RPL22: variants seen among roughly 807,000 people sequenced by gnomAD.
The protein encoded by RPL22 is ribosomal protein L22.
RPL22 carries 4 observed loss-of-function variants against 16.2 expected under a neutral mutation model. The observed-to-expected ratio is 0.25, with a 90% CI of 0.12 to 0.57. RPL22 has a LOEUF of 0.57. RPL22 is among the 20% of genes least tolerant of loss of function. The pLI, the probability that RPL22 is intolerant of heterozygous loss-of-function variation, is 0.92. For synonymous variants in RPL22, 43 were observed against 54.8 expected (o/e 0.78, Z 0.95); for missense variants, 83 against 156.1 (o/e 0.53, Z 2.49).
intron 2 of RPL22, among the ~76,000 whole-genome samples, chr1:6,194,129 C>CCAGGAGGCGGAGGTTG (rs1667687064): frequency 6.6e-6 from 1 of 152,106 alleles, no homozygotes; most frequent in South Asian, 2.1e-4. Context: ...TCCCTTGAGC[C>CCAGGAGGCGGAGGTTG]CAGGAGGCGG....
chr1:6,195,675 T>C (rs1667706844), intron 2 of RPL22, among the ~76,000 whole-genome samples: 1 of 149,456 alleles, frequency 6.7e-6, no homozygotes, highest in Admixed American at 6.7e-5. Flanking sequence ...CACTTAAACC[T>C]GGAAGGTGGA....
At chr1:6,196,197 G>A (rs1667717169) in intron 2 of RPL22, among the ~76,000 whole-genome samples, 1 of 152,174 alleles carries the variant, frequency 6.6e-6, no homozygotes, top group South Asian at 2.1e-4. Context: ...CTATCCTAAG[G>A]AGGCTTCCAG....
intron 3 of RPL22, among the ~76,000 whole-genome samples, chr1:6,191,892 G>A (rs1050899742): frequency 1.3e-5 from 2 of 151,164 alleles, no homozygotes; most frequent in Non-Finnish European, 1.5e-5. Context: ...CCAAAAACTC[G>A]GGAAGCTGAG....
At chr1:6,190,405 A>C (rs1667635441) in intron 3 of RPL22, among the ~76,000 whole-genome samples, 1 of 152,132 alleles carries the variant, frequency 6.6e-6, no homozygotes, top group African/African-American at 2.4e-5. Flanking sequence ...TTTGAGACAG[A>C]GTTTCGCTCT....
chr1:6,199,549 G>C lies in RPL22; in HGVS notation c.12+13C>G. On this transcript the variant is annotated intron_variant, in intron 1 of 3. Transcript: ENST00000234875. The stretch of plus-strand genomic sequence containing the variant: ...TCCCCTGGAGCCGAGGCCTCACGCG[G>C]AGCCATACTAACCACAGGAGCCATG... 1 of 1,562,030 alleles carries C rather than the reference G, an allele frequency of 6.4e-7. No individual in the cohort carries two copies. The highest frequency in any genetic ancestry group is 8.7e-7 in the Non-Finnish European group (1 of 1,153,308).
chr1:6,191,005 C>A (rs948059134), intron 3 of RPL22, among the ~76,000 whole-genome samples: 1 of 151,972 alleles, frequency 6.6e-6, no homozygotes, highest in African/African-American at 2.4e-5. Context: ...AGGTGGATCA[C>A]CTGAGGTCAG....
chr1:6,198,028 C>A, intron 1 of RPL22: 1 of 470,200 alleles, frequency 2.1e-6, no homozygotes, highest in Non-Finnish European at 3.8e-6. Flanking sequence ...ACTTTCCAGT[C>A]TCCCCAATCT....
intron 2 of RPL22, 38 bp from the exon 3 acceptor site, chr1:6,193,092 T>C: frequency 6.2e-7 from 1 of 1,611,328 alleles, no homozygotes; most frequent in Middle Eastern, 1.7e-4. Flanking sequence ...AAGTGACAAG[T>C]TCATCTGTCT....
intron 3 of RPL22, among the ~76,000 whole-genome samples, chr1:6,190,209 C>A (rs537415756): frequency 6.6e-6 from 1 of 152,318 alleles, no homozygotes; most frequent in South Asian, 2.1e-4. Flanking sequence ...ACGCTTTGTA[C>A]CCCCACCAGA....
chr1:6,191,757 G>A (rs138414898), intron 3 of RPL22, among the ~76,000 whole-genome samples: 1 of 152,156 alleles, frequency 6.6e-6, no homozygotes, highest in East Asian at 1.9e-4. Context: ...TTGTACTTTG[G>A]GAGGCTGAGG....
chr1:6,197,828 A>G, intron 1 of RPL22, 72 bp from the exon 2 acceptor site: 1 of 1,092,668 alleles, frequency 9.2e-7, no homozygotes, highest in South Asian at 1.3e-5. Flanking sequence ...ACAGAACCAG[A>G]AACGTCATAG....
Position 6,191,359 on chromosome 1 carries a change from C to CAAA in RPL22, c.242+1568_242+1570dup, listed in dbSNP as rs769446432. Among the ~76,000 whole-genome samples the CAAA allele has an allele frequency of 3.9e-3, 127 of 32,358 alleles. 2 individuals are homozygous for CAAA. Among genetic ancestry groups the CAAA allele is most frequent in the African/African-American group, 0.01 (81 of 8,004 alleles). 21.2% of individuals were successfully genotyped at this position (32,358 alleles called of 152,430 possible). A position where few individuals can be genotyped will look rare whatever the true frequency, so the allele number is the denominator to read the frequency against. Reference sequence around the variant, plus strand: ...TGGGTGACAGAGTGAGACTCCGTCTCAAAAAAAAAAAAAAAAAAAAAAAAG... The same window carrying CAAA: ...TGGGTGACAGAGTGAGACTCCGTCTCAAAAAAAAAAAAAAAAAAAAAAAAAAAG... On this transcript the variant is annotated intron_variant, in intron 3 of 3. Transcript: ENST00000234875.
chr1:6,190,196 C>G (rs1465546817), intron 3 of RPL22, among the ~76,000 whole-genome samples: 1 of 152,136 alleles, frequency 6.6e-6, no homozygotes, highest in East Asian at 1.9e-4. Context: ...CCCAGCAGGC[C>G]GGACGCTTTG....
At position 6,192,639 on chromosome 1, in the gene RPL22, CAGTGAGCCG is replaced by C. The variant is rs1335149005; in HGVS notation, c.242+282_242+290del. Among the ~76,000 whole-genome samples the C allele has an allele frequency of 3.9e-5, 6 of 152,108 alleles. No individual in the cohort carries two copies. The South Asian group carries it at 1.2e-3, about 32-fold the overall frequency. On this transcript the variant is annotated intron_variant, in intron 3 of 3. Transcript: ENST00000234875. ...GCTTGAACCCAGGAGGCGGAGGCTGCAGTGAGCCGAGATCGCGCCATTGCACAACAGCCT... is the reference window on the plus strand; with the variant it reads ...GCTTGAACCCAGGAGGCGGAGGCTGCAGATCGCGCCATTGCACAACAGCCT...
chr1:6,197,053 G>A (rs1171761291), intron 2 of RPL22, among the ~76,000 whole-genome samples: 2 of 152,132 alleles, frequency 1.3e-5, no homozygotes, highest in African/African-American at 2.4e-5. Context: ...TTTTTGAGAC[G>A]GAGTCTCGCA....
In RPL22 at chr1:6,193,283, C is replaced by T. The variant is rs554965993; in HGVS notation, c.118-229G>A. 3.2e-4 allele frequency among the ~76,000 whole-genome samples: 48 copies of T among 151,952 alleles called. 1 individual carries two copies. Among genetic ancestry groups the T allele is most frequent in the African/African-American group, 1.0e-3 (43 of 41,406 alleles). On this transcript the variant is annotated intron_variant, in intron 2 of 3. Transcript: ENST00000234875. Reference sequence around the variant, plus strand: ...TCAGCCTCTCAAAGTGCTAGGATTACGGGCATGAGCCATCCCACCTGGCCC... The same window carrying T: ...TCAGCCTCTCAAAGTGCTAGGATTATGGGCATGAGCCATCCCACCTGGCCC...
intron 3 of RPL22, 110 bp from the exon 4 acceptor site, chr1:6,186,926 T>A: frequency 6.6e-7 from 1 of 1,520,066 alleles, no homozygotes; most frequent in South Asian, 1.2e-5. Context: ...CAAGGTGTTT[T>A]CCCAAGCCTC....
At position 6,192,713 on chromosome 1, in the gene RPL22, C is replaced by T. The variant is rs562119363; in HGVS notation, c.242+217G>A. Among the ~76,000 whole-genome samples the T allele has an allele frequency of 2.6e-5, 4 of 152,242 alleles. No individual in the cohort carries two copies. In the South Asian group the frequency reaches 8.3e-4, roughly 32 times the overall value. ...GACTCCAGCTCAAAAAAAAATAAAA[C>T]ACTTTAGCCTGTGAAAGACAAAATT... On this transcript the variant is annotated intron_variant, in intron 3 of 3. Transcript: ENST00000234875.
rs1178834872 is a variant in RPL22 at position 6,185,573 on chromosome 1, A to G, written c.*1099T>C. ...GGGCACAATTTCAAGTGTGGAAACC[A>G]TCTGTAGGCAAGCTCTTTTAAAAAC... On this transcript the variant is annotated 3_prime_UTR_variant, in exon 4 of 4. Coordinates refer to ENST00000234875, the MANE Select transcript of RPL22 (RefSeq NM_000983.4). The G allele has an allele frequency of 2.5e-6, 1 of 392,958 alleles. No homozygotes were observed. The highest frequency in any genetic ancestry group is 2.1e-5 in the African/African-American group (1 of 48,542). The allele number at this position is 392,958 out of a possible 1,614,324, so 24.3% of individuals were successfully genotyped here.
Sources: gnomAD v4.1 joint callset for allele counts (sites outside exome capture counted in the v4.1 genomes callset) on GRCh38, gnomAD v4.1.1 for gene constraint, MANE v1.5 for transcripts, NCBI Gene and HGNC (gene_info 2026-07-23, HGNC 2026-07-21) for gene names.